The following RSPO4 variants were observed in gnomAD, a reference collection of about 807,000 sequenced individuals.
The protein encoded by RSPO4 is R-spondin 4, also known as R-spondin-4.
In RSPO4, 23 loss-of-function variants were observed where a neutral mutation model predicts 24.8. The ratio of observed to expected loss-of-function variants is 0.93; its 90% CI spans 0.67 to 1.31. The LOEUF (loss-of-function observed/expected upper bound fraction) is 1.31. RSPO4 is among the 40% of genes most tolerant of loss of function. The pLI, the probability that RSPO4 is intolerant of heterozygous loss-of-function variation, is 0.00. For synonymous variants in RSPO4, 141 were observed against 127.4 expected, an observed-to-expected ratio of 1.11 and a Z score of -0.72; for missense variants, 333 against 316.5, an observed-to-expected ratio of 1.05 and a Z score of -0.39.
chr20:992,291 AG>A (rs1985135357), intron 1 of RSPO4, among the ~76,000 whole-genome samples: 1 of 105,606 alleles, frequency 9.5e-6, no homozygotes, highest in Non-Finnish European at 1.8e-5. Flanking sequence ...TTTGAGACGG[AG>A]TTTCGCTCTT....
chr20:980,430 A>T (rs972101097), intron 1 of RSPO4, among the ~76,000 whole-genome samples: 6 of 152,034 alleles, frequency 3.9e-5, no homozygotes, highest in African/African-American at 1.4e-4. Context: ...AGGACTGAAC[A>T]TGCCCCCTCT....
In RSPO4 at chr20:967,155, C is replaced by G. The variant is rs376337082; in HGVS notation, c.409+19G>C. On this transcript the variant is annotated intron_variant, in intron 3 of 4. Transcript: ENST00000217260. ...GGAGAGGGGAGGGGCAGGGGCAGGG[C>G]GGGGAGGTCCCCACTCACCCTGGCA... 2 of 1,610,120 alleles carry G rather than the reference C, an allele frequency of 1.2e-6. No homozygotes were observed. The highest frequency in any genetic ancestry group is 1.3e-5 in the African/African-American group (1 of 74,922).
chr20:967,533 C>T (rs755715863), intron 2 of RSPO4, among the ~76,000 whole-genome samples: 3 of 152,188 alleles, frequency 2.0e-5, no homozygotes, highest in African/African-American at 4.8e-5. Context: ...TCAGAGAGAG[C>T]GAGTGACTTG....
intron 1 of RSPO4, among the ~76,000 whole-genome samples, chr20:986,972 T>C (rs1013001568): frequency 6.6e-6 from 1 of 152,158 alleles, no homozygotes; most frequent in Admixed American, 6.5e-5. Flanking sequence ...ATACGGAAAC[T>C]GTAAAAGACT....
At chr20:991,584 A>G (rs1022168667) in intron 1 of RSPO4, among the ~76,000 whole-genome samples, 6 of 152,160 alleles carry the variant, frequency 3.9e-5, no homozygotes, top group Admixed American at 6.5e-5. Context: ...AAAATTAAAA[A>G]TCAGGTGAAT....
At chr20:986,144 G>A (rs1984914032) in intron 1 of RSPO4, among the ~76,000 whole-genome samples, 1 of 152,210 alleles carries the variant, frequency 6.6e-6, no homozygotes. Context: ...AGGGTGATCT[G>A]AAGAGGTCAA....
chr20:993,796 G>T (rs552132003), intron 1 of RSPO4, among the ~76,000 whole-genome samples: 2 of 152,150 alleles, frequency 1.3e-5, no homozygotes, highest in African/African-American at 4.8e-5. Flanking sequence ...CAATGAATGT[G>T]CCTCTCTTTT....
intron 1 of RSPO4, among the ~76,000 whole-genome samples, chr20:988,991 T>G (rs1304723525): frequency 6.6e-6 from 1 of 152,182 alleles, no homozygotes; most frequent in African/African-American, 2.4e-5. Context: ...TTGTTGCCTC[T>G]TGACTTTTGC....
intron 2 of RSPO4, 21 bp from the exon 3 acceptor site, chr20:967,335 C>T (rs528640468): frequency 6.8e-6 from 11 of 1,613,364 alleles, no homozygotes; most frequent in African/African-American, 2.7e-5. Flanking sequence ...GCCAGGGACA[C>T]CCCAGGTGAG....
At chr20:961,308 C>T (rs531678034) in intron 4 of RSPO4, among the ~76,000 whole-genome samples, 8 of 152,322 alleles carry the variant, frequency 5.3e-5, no homozygotes, top group Admixed American at 2.0e-4. Flanking sequence ...TTCAGTTCCC[C>T]GCAAGGAGCT....
At chr20:987,717 A>G (rs906441197) in intron 1 of RSPO4, among the ~76,000 whole-genome samples, 5 of 152,132 alleles carry the variant, frequency 3.3e-5, no homozygotes, top group Non-Finnish European at 7.4e-5. Context: ...CTTGAGCCCA[A>G]GAGGTCAAGG....
chr20:971,358 C>G (rs1984401925), intron 1 of RSPO4, among the ~76,000 whole-genome samples: 1 of 152,234 alleles, frequency 6.6e-6, no homozygotes, highest in Non-Finnish European at 1.5e-5. Context: ...ACCATGCTCT[C>G]AGAAACACTG....
At chr20:972,173 T>G (rs1304698237) in intron 1 of RSPO4, among the ~76,000 whole-genome samples, 1 of 152,154 alleles carries the variant, frequency 6.6e-6, no homozygotes, top group Non-Finnish European at 1.5e-5. Flanking sequence ...CAAGCAATCC[T>G]CCCTCCTCAG....
intron 4 of RSPO4, among the ~76,000 whole-genome samples, chr20:960,782 G>A (rs1332416426): frequency 6.6e-6 from 1 of 152,216 alleles, no homozygotes; most frequent in Non-Finnish European, 1.5e-5. Context: ...ATGTCGGGTG[G>A]CCTCATGGGA....
At chr20:974,959 G>C (rs1199054167) in intron 1 of RSPO4, among the ~76,000 whole-genome samples, 2 of 152,192 alleles carry the variant, frequency 1.3e-5, no homozygotes, top group African/African-American at 2.4e-5. Context: ...CAGATGCAGA[G>C]AGAGAAGCAG....
chr20:976,332 G>C (rs1427197640), intron 1 of RSPO4, among the ~76,000 whole-genome samples: 1 of 152,206 alleles, frequency 6.6e-6, no homozygotes, highest in African/African-American at 2.4e-5. Flanking sequence ...GAGGCCAGCA[G>C]GGTCCAGGGA....
chr20:977,955 T>C (rs1163898775), intron 1 of RSPO4, among the ~76,000 whole-genome samples: 3 of 152,198 alleles, frequency 2.0e-5, no homozygotes, highest in Admixed American at 2.0e-4. Context: ...CCTCCACATA[T>C]GGGAGGCAGT....
chr20:967,221 G>A lies in RSPO4; in HGVS notation c.362C>T (p.Thr121Ile), dbSNP rs1289693961. The A allele has an allele frequency of 1.9e-6, 3 of 1,614,174 alleles. No homozygotes were observed. The highest frequency in any genetic ancestry group is 2.5e-6 in the Non-Finnish European group (3 of 1,180,034). Residue 121 changes from threonine (T) to isoleucine (I), a missense_variant, in exon 3 of 5, where the codon ACC (threonine) becomes ATC (isoleucine). Transcript: ENST00000217260. ...GTGGGCCAAAGTGCCCGGCGGGCAG[G>A]TGGGCAGACACTTCCCCTTGTACAA... ...FYLYKGKCLP[T>I]CPPGTLAHQN...
chr20:999,097 C>T (rs994486173), intron 1 of RSPO4, among the ~76,000 whole-genome samples: 4 of 151,940 alleles, frequency 2.6e-5, no homozygotes, highest in Non-Finnish European at 5.9e-5. Context: ...TGAAGCGATC[C>T]TCCCACTTCG....
Sources: gnomAD v4.1 joint callset for allele counts (sites outside exome capture counted in the v4.1 genomes callset) on GRCh38, gnomAD v4.1.1 for gene constraint, MANE v1.5 for transcripts, NCBI Gene and HGNC (gene_info 2026-07-23, HGNC 2026-07-21) for gene names.